The following CRB1 variants were observed in gnomAD, a reference collection of about 807,000 sequenced individuals.
CRB1 encodes the protein protein crumbs homolog 1.
In CRB1, 83 loss-of-function variants were observed where a neutral mutation model predicts 120.0. That is an observed-to-expected ratio of 0.69 (90% CI 0.58 to 0.83). CRB1 has a LOEUF of 0.83. Among genes scored for constraint, CRB1 ranks in the 40% least tolerant of loss-of-function variants. The pLI is 0.00. For synonymous variants in CRB1, 625 were observed against 612.5 expected (o/e 1.02, Z -0.30); for missense variants, 1,699 against 1,687.6 (o/e 1.01, Z -0.12).
At chr1:197,295,959 A>T (rs1421862351) in intron 1 of CRB1, among the ~76,000 whole-genome samples, 1 of 137,898 alleles carries the variant, frequency 7.3e-6, no homozygotes, top group Non-Finnish European at 1.6e-5. Context: ...TAGCATCTTA[A>T]CTCTTCTAAG....
At chr1:197,337,550 T>TA (rs1378114251) in intron 2 of CRB1, among the ~76,000 whole-genome samples, 1 of 152,198 alleles carries the variant, frequency 6.6e-6, no homozygotes, top group Non-Finnish European at 1.5e-5. Flanking sequence ...AGTTTTTCCA[T>TA]AGACTATTTA....
rs372603776 is a variant in CRB1 at position 197,438,712 on chromosome 1, A to G, written c.3878+37A>G. 8.1e-6 allele frequency: 13 copies of G among 1,608,530 alleles called. No homozygotes were observed. The African/African-American group carries it at 1.6e-4, about 20-fold the overall frequency. ...TAGAGCCTTCTGGAAGAGAATTCTG[A>G]GCTAAAGAATGATGGGATTACTCAA... is the stretch of plus-strand genomic sequence containing the variant. On this transcript the variant is annotated intron_variant, in intron 10 of 11. Coordinates refer to ENST00000367400, the MANE Select transcript of CRB1 (RefSeq NM_201253.3).
chr1:197,430,832 A>T (rs1664836530), intron 8 of CRB1, among the ~76,000 whole-genome samples: 1 of 152,144 alleles, frequency 6.6e-6, no homozygotes, highest in Non-Finnish European at 1.5e-5. Context: ...AAATAAATTG[A>T]TATTATTTTC....
chr1:197,284,249 G>A (rs1655697278), intron 1 of CRB1, among the ~76,000 whole-genome samples: 2 of 151,994 alleles, frequency 1.3e-5, no homozygotes. Context: ...GTCATAGCAT[G>A]CACAATGACA....
intron 1 of CRB1, among the ~76,000 whole-genome samples, chr1:197,288,517 AAATC>A (rs1304921120): frequency 6.6e-6 from 1 of 151,894 alleles, no homozygotes; most frequent in Non-Finnish European, 1.5e-5. Context: ...GGAGAAAAAT[AAATC>A]AATCAAAACA....
At chr1:197,442,109 TCACAACCAATGTATTCAA>T in intron 10 of CRB1, 39 bp from the exon 11 acceptor site, 1 of 1,613,076 alleles carries the variant, frequency 6.2e-7, no homozygotes, top group East Asian at 2.2e-5. Context: ...TCTTCCCATT[TCACAACCAATGTATTCAA>T]CAGGGACCTG....
intron 1 of CRB1, among the ~76,000 whole-genome samples, chr1:197,314,074 T>G (rs1657705337): frequency 6.6e-6 from 1 of 152,232 alleles, no homozygotes; most frequent in African/African-American, 2.4e-5. Flanking sequence ...CCACCAAATT[T>G]GGGAAATATT....
At chr1:197,284,794 A>C (rs1655728570) in intron 1 of CRB1, among the ~76,000 whole-genome samples, 1 of 150,502 alleles carries the variant, frequency 6.6e-6, no homozygotes, top group African/African-American at 2.5e-5. Flanking sequence ...TAAAGTGCAT[A>C]TTCTGATATT....
chr1:197,344,709 C>T (rs1245880828), intron 3 of CRB1, among the ~76,000 whole-genome samples: 1 of 152,072 alleles, frequency 6.6e-6, no homozygotes, highest in African/African-American at 2.4e-5. Flanking sequence ...AACTGCTTAT[C>T]CTATGGAAAA....
the CRB1 span, among the ~76,000 whole-genome samples, chr1:197,262,089 T>C: frequency 6.6e-6 from 1 of 152,220 alleles, no homozygotes; most frequent in Non-Finnish European, 1.5e-5. Flanking sequence ...GATGACCCTG[T>C]CTTAAACTTG....
chr1:197,379,771 A>G lies in CRB1; in HGVS notation c.1171+22758A>G, dbSNP rs567627793. 5.9e-5 allele frequency among the ~76,000 whole-genome samples: 9 copies of G among 152,320 alleles called. No individual in the cohort carries two copies. In the South Asian group the frequency reaches 1.9e-3, roughly 32 times the overall value. ...GATATAATAAGTTTCATAAGATGGA[A>G]GATTTATATCTAAGCTTGTTCCTTG... On this transcript the variant is annotated intron_variant, in intron 5 of 11. Coordinates refer to ENST00000367400, the MANE Select transcript of CRB1 (RefSeq NM_201253.3).
At position 197,432,319 on chromosome 1, in the gene CRB1, C is replaced by T. The variant is rs554261149; in HGVS notation, c.2843-2387C>T. Among the ~76,000 whole-genome samples the T allele has an allele frequency of 5.6e-3, 839 of 150,704 alleles. 5 individuals carry two copies. The highest frequency in any genetic ancestry group is 0.02 in the African/African-American group (813 of 41,114). On this transcript the variant is annotated intron_variant, in intron 8 of 11. Transcript: ENST00000367400. ...AACATGTAATGAAACACTTGTTGCTCTTTTTTTCCCTAAATTCCCAACTCC... is the reference window on the plus strand; with the variant it reads ...AACATGTAATGAAACACTTGTTGCTTTTTTTTTCCCTAAATTCCCAACTCC...
the CRB1 span, among the ~76,000 whole-genome samples, chr1:197,244,490 G>T: frequency 6.6e-6 from 1 of 151,582 alleles, no homozygotes; most frequent in East Asian, 1.9e-4. Flanking sequence ...TTTCTTATTT[G>T]CTTTTCACCT....
At chr1:197,366,043 A>G (rs949594113) in intron 5 of CRB1, among the ~76,000 whole-genome samples, 4 of 152,178 alleles carry the variant, frequency 2.6e-5, no homozygotes, top group African/African-American at 9.7e-5. Context: ...GTATAAAGAA[A>G]AAAAATTTTT....
intron 1 of CRB1, among the ~76,000 whole-genome samples, chr1:197,317,816 C>G (rs141351094): frequency 1.3e-5 from 2 of 152,148 alleles, no homozygotes; most frequent in Non-Finnish European, 2.9e-5. Flanking sequence ...AAACTAGACT[C>G]CTATCTCTCA....
chr1:197,416,024 G>A (rs1268175783), intron 5 of CRB1, among the ~76,000 whole-genome samples: 1 of 152,164 alleles, frequency 6.6e-6, no homozygotes, highest in African/African-American at 2.4e-5. Context: ...AGCCAGGCCT[G>A]AAGAGATACC....
At chr1:197,231,896 G>A in the CRB1 span, among the ~76,000 whole-genome samples, 6 of 152,254 alleles carry the variant, frequency 3.9e-5, 1 homozygote, top group African/African-American at 1.4e-4. Context: ...GACCAAAGAT[G>A]TCTATGTCCT....
intron 1 of CRB1, among the ~76,000 whole-genome samples, chr1:197,313,422 C>T (rs1418780440): frequency 6.6e-6 from 1 of 152,180 alleles, no homozygotes; most frequent in Non-Finnish European, 1.5e-5. Flanking sequence ...ATATACATCA[C>T]CTGAAACATT....
chr1:197,226,913 C>T, the CRB1 span, among the ~76,000 whole-genome samples: 1 of 152,120 alleles, frequency 6.6e-6, no homozygotes, highest in South Asian at 2.1e-4. Flanking sequence ...ACCATTGGAT[C>T]TTGTGAGGCT....
Sources: gnomAD v4.1 joint callset for allele counts (sites outside exome capture counted in the v4.1 genomes callset) on GRCh38, gnomAD v4.1.1 for gene constraint, MANE v1.5 for transcripts, NCBI Gene and HGNC (gene_info 2026-07-23, HGNC 2026-07-21) for gene names.